Variants in PPFIA2 observed in about 807,000 individuals in gnomAD.
The protein encoded by PPFIA2 is liprin-alpha-2.
PPFIA2 carries 46 observed loss-of-function variants against 175.5 expected under a neutral mutation model. The ratio of observed to expected loss-of-function variants is 0.26; its 90% CI spans 0.21 to 0.34. The LOEUF is 0.34. Ranked by LOEUF, PPFIA2 falls within the 10% of genes least tolerant of loss-of-function variation. The pLI is 1.00. For synonymous variants in PPFIA2, 568 were observed against 511.4 expected (o/e 1.11, Z -1.49); for missense variants, 1,179 against 1,506.1 (o/e 0.78, Z 3.60).
intron 4 of PPFIA2, among the ~76,000 whole-genome samples, chr12:81,656,882 T>G (rs992646230): frequency 6.6e-6 from 1 of 152,076 alleles, no homozygotes; most frequent in African/African-American, 2.4e-5. Context: ...TAGCCGATCA[T>G]AAAATCTTTA....
intron 22 of PPFIA2, among the ~76,000 whole-genome samples, chr12:81,324,925 G>A (rs2054426067): frequency 1.3e-5 from 2 of 151,944 alleles, no homozygotes; most frequent in Admixed American, 1.3e-4. Context: ...TACAAAGCAA[G>A]TGAGAAAGCA....
chr12:81,528,393 T>C (rs936356511), intron 4 of PPFIA2, among the ~76,000 whole-genome samples: 3 of 152,026 alleles, frequency 2.0e-5, no homozygotes, highest in Non-Finnish European at 2.9e-5. Context: ...CTGAAGAAAA[T>C]ATCCGTACGC....
At chr12:81,693,824 T>C (rs976561506) in intron 3 of PPFIA2, among the ~76,000 whole-genome samples, 2 of 152,088 alleles carry the variant, frequency 1.3e-5, no homozygotes, top group African/African-American at 4.8e-5. Flanking sequence ...AGGTCTTAGA[T>C]GGAAATGAGG....
intron 8 of PPFIA2, among the ~76,000 whole-genome samples, chr12:81,390,049 G>A (rs986324020): frequency 6.6e-6 from 1 of 152,096 alleles, no homozygotes; most frequent in African/African-American, 2.4e-5. Flanking sequence ...GTGTTCTTTC[G>A]TGACTAGTTT....
At chr12:81,388,603 T>C (rs1193899696) in intron 8 of PPFIA2, among the ~76,000 whole-genome samples, 1 of 152,076 alleles carries the variant, frequency 6.6e-6, no homozygotes, top group Admixed American at 6.6e-5. Flanking sequence ...CATATATTTA[T>C]CAAAATTGAC....
intron 4 of PPFIA2, among the ~76,000 whole-genome samples, chr12:81,556,358 T>C (rs1352473568): frequency 6.6e-6 from 1 of 151,968 alleles, no homozygotes; most frequent in Non-Finnish European, 1.5e-5. Flanking sequence ...AATGGGTTTA[T>C]TGGGGTCCTA....
intron 4 of PPFIA2, among the ~76,000 whole-genome samples, chr12:81,523,811 C>G (rs12322942): frequency 0.29 from 44,543 of 152,106 alleles, 6,887 homozygotes; most frequent in African/African-American, 0.39. Context: ...CCACCAATAG[C>G]TGCTAAACCT....
intron 5 of PPFIA2, among the ~76,000 whole-genome samples, chr12:81,450,007 T>C (rs1313314415): frequency 6.6e-6 from 1 of 152,166 alleles, no homozygotes; most frequent in Non-Finnish European, 1.5e-5. Context: ...CCATGGTTTA[T>C]ATGTGCCACA....
At chr12:81,673,024 C>T (rs1019056095) in intron 4 of PPFIA2, among the ~76,000 whole-genome samples, 4 of 152,108 alleles carry the variant, frequency 2.6e-5, no homozygotes, top group Middle Eastern at 3.4e-3. Flanking sequence ...ACAGACTCTG[C>T]TTGAGTCTGT....
chr12:81,672,799 C>T (rs1205043635), intron 4 of PPFIA2, among the ~76,000 whole-genome samples: 2 of 151,898 alleles, frequency 1.3e-5, no homozygotes, highest in East Asian at 3.9e-4. Context: ...CTGATAATAA[C>T]ATTTTGTAAC....
chr12:81,644,822 C>T (rs11114957), intron 4 of PPFIA2, among the ~76,000 whole-genome samples: 8,432 of 152,074 alleles, frequency 0.055, 355 homozygotes, highest in East Asian at 0.23. Flanking sequence ...GCTAAATGAG[C>T]AGTGAAAATG....
chr12:81,523,652 G>A (rs977772699), intron 4 of PPFIA2, among the ~76,000 whole-genome samples: 1 of 151,874 alleles, frequency 6.6e-6, no homozygotes, highest in Non-Finnish European at 1.5e-5. Flanking sequence ...TCATTCCTGG[G>A]GGTGGTATCT....
intron 4 of PPFIA2, among the ~76,000 whole-genome samples, chr12:81,527,169 G>A: frequency 6.6e-6 from 1 of 152,084 alleles, no homozygotes; most frequent in Non-Finnish European, 1.5e-5. Context: ...ATAGGTGTCA[G>A]CACTGTAAAA....
chr12:81,367,308 C>A lies in PPFIA2; in HGVS notation c.1483-138G>T, dbSNP rs933786361. 46 of 586,334 alleles carry A rather than the reference C, an allele frequency of 7.8e-5. No individual in the cohort carries two copies. In the African/African-American group the frequency reaches 8.4e-4, roughly 11 times the overall value. 36.3% of individuals were successfully genotyped at this position (586,334 alleles called of 1,614,324 possible). A position where few individuals can be genotyped will look rare whatever the true frequency, so the allele number is the denominator to read the frequency against. The stretch of plus-strand genomic sequence containing the variant: ...AGGTATTTCTTGGTTTCCATGGAAA[C>A]CATGCTTTGATGAAATTTTCAAATG... On this transcript the variant is annotated intron_variant, in intron 13 of 32. Transcript: ENST00000549396.
At chr12:81,680,195 T>C (rs1476342194) in intron 3 of PPFIA2, among the ~76,000 whole-genome samples, 3 of 152,002 alleles carry the variant, frequency 2.0e-5, no homozygotes, top group African/African-American at 7.2e-5. Flanking sequence ...AGAATTTATT[T>C]AACCATATTG....
intron 22 of PPFIA2, among the ~76,000 whole-genome samples, chr12:81,301,561 A>G (rs754216163): frequency 6.6e-6 from 1 of 152,144 alleles, no homozygotes; most frequent in Admixed American, 6.5e-5. Context: ...TGATCATGTA[A>G]CTTTTCTGTT....
chr12:81,405,830 T>A lies in PPFIA2; in HGVS notation c.719A>T (p.Glu240Val), dbSNP rs758286990. The A allele has an allele frequency of 7.6e-6, 12 of 1,582,474 alleles. 1 individual carries two copies. The South Asian group carries it at 1.3e-4, about 17-fold the overall frequency. The change falls in exon 8 of 33, where the codon GAA becomes GTA. Residue 240 changes from glutamate (E) to valine (V), a missense_variant. Glu to Val is a moderately radical substitution (Grantham distance 121, BLOSUM62 -2). This residue lies in a region of PPFIA2 where 226 missense variants were observed against 216.6 expected (regional missense o/e 1.04). Transcript: ENST00000549396. ...MASSEGSTESEHLEGMEPGQK... is the reference protein window; with the variant it reads ...MASSEGSTESVHLEGMEPGQK... ...TCCAGGTTCCATCCCTTCAAGATGT[T>A]CTGACTCTGTGGATCCCTCGCTTGA...
chr12:81,734,794 C>T (rs2081358341), intron 3 of PPFIA2, among the ~76,000 whole-genome samples: 1 of 151,796 alleles, frequency 6.6e-6, no homozygotes, highest in Non-Finnish European at 1.5e-5. Flanking sequence ...TTTTAAGTCT[C>T]CCAAAAAGAT....
In PPFIA2 at chr12:81,509,775, A is replaced by T. The variant is rs11114893; in HGVS notation, c.304-51909T>A. On this transcript the variant is annotated intron_variant, in intron 4 of 32. Coordinates refer to ENST00000549396, the MANE Select transcript of PPFIA2 (RefSeq NM_003625.5). Reference sequence around the variant, plus strand: ...GGAATCTAGCTTGAACAAGAAAGGAACTTGGACGTCATCTTTAAAGAAAAT... The same window carrying T: ...GGAATCTAGCTTGAACAAGAAAGGATCTTGGACGTCATCTTTAAAGAAAAT... 1.2e-3 allele frequency among the ~76,000 whole-genome samples: 184 copies of T among 152,278 alleles called. 1 individual carries two copies. Among genetic ancestry groups the T allele is most frequent in the African/African-American group, 4.2e-3 (176 of 41,558 alleles).
Sources: gnomAD v4.1 joint callset for allele counts (sites outside exome capture counted in the v4.1 genomes callset) on GRCh38, gnomAD v4.1.1 for gene constraint, gnomAD v4.1.1 regional missense constraint, MANE v1.5 for transcripts, NCBI Gene and HGNC (gene_info 2026-07-23, HGNC 2026-07-21) for gene names.